MED12L: variants seen among roughly 807,000 people sequenced by gnomAD.
The protein encoded by MED12L is mediator of RNA polymerase II transcription subunit 12-like protein.
A neutral mutation model predicts 281.3 loss-of-function variants in MED12L; 60 were observed. The observed-to-expected ratio is 0.21, with a 90% CI of 0.17 to 0.26. The LOEUF (loss-of-function observed/expected upper bound fraction) is 0.26. MED12L is among the 10% of genes least tolerant of loss of function. The pLI is 1.00. For synonymous variants in MED12L, 974 were observed against 987.2 expected (o/e 0.99, Z 0.25); for missense variants, 2,146 against 2,680.9 (o/e 0.80, Z 4.41).
chr3:151,174,528 C>T (rs1227946415), intron 11 of MED12L, among the ~76,000 whole-genome samples: 1 of 152,034 alleles, frequency 6.6e-6, no homozygotes, highest in East Asian at 1.9e-4. Flanking sequence ...TACTGCTTTA[C>T]AAAAAGGAAG....
chr3:151,106,595 A>G (rs1052932519), intron 2 of MED12L, among the ~76,000 whole-genome samples: 7 of 152,132 alleles, frequency 4.6e-5, no homozygotes, highest in African/African-American at 1.4e-4. Context: ...CTTGTCTTTT[A>G]CAGCTGCATT....
chr3:151,432,892 CCTTT>C lies in MED12L; in HGVS notation c.*89_*92del, dbSNP rs1719692731. On this transcript the variant is annotated 3_prime_UTR_variant, in exon 45 of 45. Transcript: ENST00000687756. ...ATGCATTAGTCATCTTAAAAATGTC[CCTTT>C]TTTTCATTTCTTTGACATTTTACTA... The C allele has an allele frequency of 3.1e-6, 3 of 963,786 alleles. No individual in the cohort carries two copies. Among genetic ancestry groups the C allele is most frequent in the African/African-American group, 3.3e-5 (2 of 60,054 alleles). The allele number at this position is 963,786 out of a possible 1,614,324, so 59.7% of individuals were successfully genotyped here. A position where few individuals can be genotyped will look rare whatever the true frequency, so the allele number is the denominator to read the frequency against.
intron 16 of MED12L, chr3:151,213,500 A>G (rs1727549826): frequency 2.5e-6 from 4 of 1,614,168 alleles, no homozygotes; most frequent in Non-Finnish European, 3.4e-6. Context: ...ATATACCGCA[A>G]GATTTCTTTT....
At chr3:151,331,371 A>G (rs557097688) in intron 16 of MED12L, among the ~76,000 whole-genome samples, 5 of 152,142 alleles carry the variant, frequency 3.3e-5, no homozygotes, top group Admixed American at 6.6e-5. Flanking sequence ...CCTTTTTCCA[A>G]TTCTTTCTTT....
At chr3:151,357,190 T>A in intron 19 of MED12L, 23 bp from the exon 20 acceptor site, 1 of 1,557,018 alleles carries the variant, frequency 6.4e-7, no homozygotes, top group Non-Finnish European at 8.7e-7. Flanking sequence ...TACATGTTTA[T>A]TCAGTCTTTT....
At chr3:151,406,426 G>T (rs930204791) in intron 39 of MED12L, among the ~76,000 whole-genome samples, 1 of 152,212 alleles carries the variant, frequency 6.6e-6, no homozygotes, top group African/African-American at 2.4e-5. Flanking sequence ...AGAGATTAGG[G>T]TGTTTTCTTT....
At position 151,375,320 on chromosome 3, in the gene MED12L, A is replaced by C. The variant is rs183641805; in HGVS notation, c.3865-706A>C. On this transcript the variant is annotated intron_variant, in intron 27 of 44. Coordinates refer to ENST00000687756, the MANE Select transcript of MED12L (RefSeq NM_001393769.1). ...TTCACCCGAAATAGATCTGGGTTCA[A>C]ATTGGGCTCTGTTACTGTTGATGAT... Among the ~76,000 whole-genome samples, 54 of 152,326 alleles carry C rather than the reference A, an allele frequency of 3.5e-4. 1 individual carries two copies. Among genetic ancestry groups the C allele is most frequent in the African/African-American group, 1.2e-3 (50 of 41,570 alleles).
intron 16 of MED12L, among the ~76,000 whole-genome samples, chr3:151,204,867 C>T (rs914221582): frequency 2.6e-5 from 4 of 152,160 alleles, no homozygotes; most frequent in African/African-American, 9.7e-5. Context: ...AGGTTGTAGA[C>T]ACAATTGAAA....
intron 11 of MED12L, among the ~76,000 whole-genome samples, chr3:151,181,471 G>A (rs1049010592): frequency 2.0e-5 from 3 of 149,354 alleles, no homozygotes; most frequent in Non-Finnish European, 3.0e-5. Flanking sequence ...GGCTAGCCTC[G>A]AACTTCTGGG....
chr3:151,259,590 A>T (rs1417204598), intron 16 of MED12L, among the ~76,000 whole-genome samples: 14 of 152,162 alleles, frequency 9.2e-5, no homozygotes, highest in Admixed American at 8.5e-4. Context: ...AATACTAAAA[A>T]TTTTTTGCAA....
In MED12L at chr3:151,328,143, A is replaced by G. The variant is rs540660295; in HGVS notation, c.2251-21916A>G. 3.1e-6 allele frequency: 5 copies of G among 1,613,056 alleles called. No individual in the cohort carries two copies. In the African/African-American group the frequency reaches 4.0e-5, roughly 13 times the overall value. Reference sequence around the variant, plus strand: ...TCCATACAAATGTTAGTTGCTGCCAAAAAGAGAGTTGTTTCTTTAGCAATA... The same window carrying G: ...TCCATACAAATGTTAGTTGCTGCCAGAAAGAGAGTTGTTTCTTTAGCAATA... On this transcript the variant is annotated intron_variant, in intron 16 of 44. Coordinates refer to ENST00000687756, the MANE Select transcript of MED12L (RefSeq NM_001393769.1).
intron 16 of MED12L, among the ~76,000 whole-genome samples, chr3:151,272,387 A>G (rs1219276322): frequency 6.6e-6 from 1 of 152,224 alleles, no homozygotes; most frequent in Non-Finnish European, 1.5e-5. Flanking sequence ...CATAGTTATC[A>G]GTCTATCATT....
At chr3:151,227,003 C>T (rs935224231) in intron 16 of MED12L, among the ~76,000 whole-genome samples, 4 of 152,300 alleles carry the variant, frequency 2.6e-5, no homozygotes, top group African/African-American at 7.2e-5. Flanking sequence ...ACAAGGAGAG[C>T]TCTGCTTGCT....
At chr3:151,121,359 T>C (rs1042825519) in intron 3 of MED12L, among the ~76,000 whole-genome samples, 9 of 152,250 alleles carry the variant, frequency 5.9e-5, no homozygotes, top group Non-Finnish European at 1.0e-4. Context: ...ATTATTGTAT[T>C]ACGTTAACAC....
chr3:151,272,347 A>C (rs897405489), intron 16 of MED12L, among the ~76,000 whole-genome samples: 2 of 152,192 alleles, frequency 1.3e-5, no homozygotes, highest in African/African-American at 4.8e-5. Context: ...ACATAAATTG[A>C]AGTTGTTTTT....
intron 44 of MED12L, among the ~76,000 whole-genome samples, chr3:151,431,489 C>T (rs1363378066): frequency 6.6e-6 from 1 of 152,076 alleles, no homozygotes; most frequent in Non-Finnish European, 1.5e-5. Flanking sequence ...ATATTTTCCT[C>T]TTATGGCCTC....
intron 16 of MED12L, among the ~76,000 whole-genome samples, chr3:151,335,680 G>T (rs1404861561): frequency 6.6e-6 from 1 of 152,082 alleles, no homozygotes; most frequent in Non-Finnish European, 1.5e-5. Context: ...AGAGATAATG[G>T]CATGTTTTAT....
At position 151,389,959 on chromosome 3, in the gene MED12L, T is replaced by A. The variant is rs1466012752; in HGVS notation, c.5452-20T>A. 7 of 1,612,626 alleles carry A rather than the reference T, an allele frequency of 4.3e-6. No individual in the cohort carries two copies. Among genetic ancestry groups the A allele is most frequent in the Non-Finnish European group, 5.9e-6 (7 of 1,178,944 alleles). On this transcript the variant is annotated intron_variant, in intron 37 of 44. Transcript: ENST00000687756. ...TGATATGTGGAGTTACGTAACTTTTTAAAAAACTTTATGTTGAAGGAATAT... is the reference window on the plus strand; with the variant it reads ...TGATATGTGGAGTTACGTAACTTTTAAAAAAACTTTATGTTGAAGGAATAT...
intron 16 of MED12L, among the ~76,000 whole-genome samples, chr3:151,215,031 A>AG (rs944890296): frequency 1.3e-5 from 2 of 152,178 alleles, no homozygotes; most frequent in African/African-American, 4.8e-5. Context: ...TTGGACATGA[A>AG]GACAGTGTCT....
Sources: allele counts gnomAD v4.1 joint callset (sites outside exome capture counted in the v4.1 genomes callset), GRCh38; gene constraint gnomAD v4.1.1; transcripts MANE v1.5; gene names NCBI Gene and HGNC (gene_info 2026-07-23, HGNC 2026-07-21).